TRAPPC9: variants seen among roughly 807,000 people sequenced by gnomAD.
The protein encoded by TRAPPC9 is IKK2 binding protein.
A neutral mutation model predicts 124.0 loss-of-function variants in TRAPPC9; 83 were observed. The observed-to-expected ratio is 0.67, with a 90% CI of 0.56 to 0.80. The LOEUF is 0.80. TRAPPC9 is among the 30% of genes least tolerant of loss of function. The probability of loss-of-function intolerance (pLI) is 0.00; values close to 1 mark genes in which losing one functional copy is unlikely to be tolerated. For missense variants in TRAPPC9, 1,302 were observed against 1,508.3 expected (o/e 0.86, Z 2.27); for synonymous variants, 638 against 617.5 (o/e 1.03, Z -0.49).
At chr8:139,975,234 G>T (rs1836365452) in intron 19 of TRAPPC9, among the ~76,000 whole-genome samples, 1 of 152,346 alleles carries the variant, frequency 6.6e-6, no homozygotes, top group East Asian at 1.9e-4. Flanking sequence ...GGCAGCACTA[G>T]AGACAGTGGC....
chr8:140,044,931 G>A (rs1000344082), intron 17 of TRAPPC9, among the ~76,000 whole-genome samples: 38 of 152,304 alleles, frequency 2.5e-4, no homozygotes, highest in African/African-American at 8.2e-4. Flanking sequence ...ACGTCAGCTG[G>A]AAAAATTAAG....
At chr8:140,253,739 G>T (rs1033193620) in intron 15 of TRAPPC9, among the ~76,000 whole-genome samples, 1 of 152,118 alleles carries the variant, frequency 6.6e-6, no homozygotes, top group Admixed American at 6.5e-5. Flanking sequence ...GGGCCTCCGG[G>T]GAGAGGTGTT....
At chr8:140,146,563 T>A (rs557338408) in intron 17 of TRAPPC9, among the ~76,000 whole-genome samples, 27 of 152,104 alleles carry the variant, frequency 1.8e-4, no homozygotes, top group Admixed American at 5.9e-4. Flanking sequence ...CTCCATTTTT[T>A]AAAAAAAACA....
In TRAPPC9 at chr8:140,397,387, A is replaced by G. The variant is rs113028068; in HGVS notation, c.1134+233T>C. Among the ~76,000 whole-genome samples the G allele has an allele frequency of 0.011, 786 of 71,898 alleles. 10 individuals carry two copies. The highest frequency in any genetic ancestry group is 0.029 in the African/African-American group (745 of 25,344). The allele number at this position is 71,898 out of a possible 152,430, so 47.2% of individuals were successfully genotyped here. A position where few individuals can be genotyped will look rare whatever the true frequency, so the allele number is the denominator to read the frequency against. On this transcript the variant is annotated intron_variant, in intron 7 of 22. Transcript: ENST00000438773. The stretch of plus-strand genomic sequence containing the variant: ...GGTAAAACACAGTTACTTCTCCAAA[A>G]AACAAACAAAAAAAATGCAAAGGAC...
At chr8:139,979,428 C>A (rs934331638) in intron 19 of TRAPPC9, among the ~76,000 whole-genome samples, 3 of 152,168 alleles carry the variant, frequency 2.0e-5, no homozygotes, top group Admixed American at 6.5e-5. Flanking sequence ...CGGACACGAA[C>A]GGACACGGGT....
Position 140,381,071 on chromosome 8 carries a change from G to A in TRAPPC9, c.1135-9891C>T, listed in dbSNP as rs191144306. 5.4e-4 allele frequency among the ~76,000 whole-genome samples: 82 copies of A among 152,054 alleles called. No homozygotes were observed. The East Asian group carries it at 0.015, about 28-fold the overall frequency. On this transcript the variant is annotated intron_variant, in intron 7 of 22. Coordinates refer to ENST00000438773, the MANE Select transcript of TRAPPC9 (RefSeq NM_001160372.4). The stretch of plus-strand genomic sequence containing the variant: ...AATACAAAAATTAGCCATGTGTGGT[G>A]GTGTATGCCTGTAATCCCAGCTACT...
intron 9 of TRAPPC9, among the ~76,000 whole-genome samples, chr8:140,354,022 A>G (rs1464373455): frequency 6.6e-6 from 1 of 152,260 alleles, no homozygotes. Flanking sequence ...ACAATGTGAC[A>G]GTAATGGAAA....
chr8:139,853,174 G>A (rs1827597397), intron 21 of TRAPPC9, among the ~76,000 whole-genome samples: 1 of 152,206 alleles, frequency 6.6e-6, no homozygotes, highest in South Asian at 2.1e-4. Context: ...TGTTCCAGAT[G>A]GTTCTGGCCA....
intron 9 of TRAPPC9, among the ~76,000 whole-genome samples, chr8:140,343,054 T>C (rs2067238602): frequency 6.6e-6 from 1 of 152,150 alleles, no homozygotes; most frequent in Non-Finnish European, 1.5e-5. Context: ...CCAGCAAAAA[T>C]AACACATTAT....
intron 20 of TRAPPC9, among the ~76,000 whole-genome samples, chr8:139,906,593 GGA>G (rs1831379934): frequency 6.6e-6 from 1 of 152,164 alleles, no homozygotes; most frequent in South Asian, 2.1e-4. Context: ...GGATTGGGAA[GGA>G]GAGAGGAAGG....
At chr8:139,794,860 A>G (rs538173852) in intron 21 of TRAPPC9, among the ~76,000 whole-genome samples, 1 of 152,334 alleles carries the variant, frequency 6.6e-6, no homozygotes, top group South Asian at 2.1e-4. Flanking sequence ...CCCAGAAGTC[A>G]TTGGACTTTT....
intron 17 of TRAPPC9, among the ~76,000 whole-genome samples, chr8:140,157,830 G>T (rs911859263): frequency 2.6e-5 from 4 of 152,024 alleles, no homozygotes; most frequent in Admixed American, 1.3e-4. Flanking sequence ...TTAACATCTT[G>T]GTGTATATTC....
intron 8 of TRAPPC9, among the ~76,000 whole-genome samples, chr8:140,366,712 A>C (rs1039380179): frequency 1.3e-5 from 2 of 152,224 alleles, no homozygotes; most frequent in African/African-American, 4.8e-5. Context: ...CCCATCAAAG[A>C]AAGAATTGAT....
At chr8:140,370,935 C>A (rs779099924) in intron 8 of TRAPPC9, 29 bp downstream of exon 8, 2 of 1,612,212 alleles carry the variant, frequency 1.2e-6, no homozygotes, top group Non-Finnish European at 8.5e-7. Flanking sequence ...GAAAGCAACA[C>A]CTTAGCGCCA....
At chr8:139,804,135 ACCC>A (rs201598353) in intron 21 of TRAPPC9, among the ~76,000 whole-genome samples, 1 of 113,800 alleles carries the variant, frequency 8.8e-6, no homozygotes, top group Non-Finnish European at 1.9e-5. Context: ...CCACACACAC[ACCC>A]ACCACCACCC....
chr8:140,099,857 A>G (rs967456303), intron 17 of TRAPPC9: 1 of 147,122 alleles, frequency 6.8e-6, no homozygotes, highest in Non-Finnish European at 1.5e-5. Context: ...GAGGACACCC[A>G]GCTAGGTCTC....
intron 17 of TRAPPC9, chr8:140,095,049 G>A (rs764775371): frequency 1.3e-5 from 2 of 152,170 alleles, no homozygotes; most frequent in African/African-American, 2.4e-5. Flanking sequence ...CAATCCAGTG[G>A]TCACTCTACA....
At chr8:140,144,634 A>C (rs1487535769) in intron 17 of TRAPPC9, among the ~76,000 whole-genome samples, 1 of 151,930 alleles carries the variant, frequency 6.6e-6, no homozygotes, top group Non-Finnish European at 1.5e-5. Flanking sequence ...GATTACAGGC[A>C]CCTGCCACCA....
chr8:140,037,252 C>A (rs2132006845), intron 17 of TRAPPC9, among the ~76,000 whole-genome samples: 1 of 152,192 alleles, frequency 6.6e-6, no homozygotes, highest in Non-Finnish European at 1.5e-5. Context: ...GCTTTCACAT[C>A]TGGGTTATCA....
Sources: gnomAD v4.1 joint callset for allele counts (sites outside exome capture counted in the v4.1 genomes callset) on GRCh38, gnomAD v4.1.1 for gene constraint, MANE v1.5 for transcripts, NCBI Gene and HGNC (gene_info 2026-07-23, HGNC 2026-07-21) for gene names.